VDAC1: variants seen among roughly 807,000 people sequenced by gnomAD.
The protein encoded by VDAC1 is voltage dependent anion channel 1, also known as non-selective voltage-gated ion channel VDAC1.
Under a neutral mutation model 34.7 loss-of-function variants are expected in VDAC1, and 10 were observed. The ratio of observed to expected loss-of-function variants is 0.29; its 90% CI spans 0.18 to 0.49. The LOEUF is 0.49. Ranked by LOEUF, VDAC1 falls within the 20% of genes least tolerant of loss-of-function variation. VDAC1 has a pLI of 0.99. For synonymous variants in VDAC1, 130 were observed against 136.0 expected, an observed-to-expected ratio of 0.96 and a Z score of 0.30; for missense variants, 230 against 347.9, an observed-to-expected ratio of 0.66 and a Z score of 2.69.
At chr5:133,976,133 A>C in intron 6 of VDAC1, 112 bp from the exon 7 acceptor site, 1 of 1,313,922 alleles carries the variant, frequency 7.6e-7, no homozygotes, top group Non-Finnish European at 1.1e-6. Flanking sequence ...GACTGAACCA[A>C]TACTGGTATT....
chr5:133,977,051 A>T (rs1419278540), intron 6 of VDAC1, among the ~76,000 whole-genome samples: 1 of 152,212 alleles, frequency 6.6e-6, no homozygotes, highest in Non-Finnish European at 1.5e-5. Context: ...CTCAAAAAAT[A>T]AAAGTAAAAA....
At chr5:134,043,525 TC>T in the VDAC1 span, among the ~76,000 whole-genome samples, 17,414 of 151,888 alleles carry the variant, frequency 0.11, 1,134 homozygotes, top group East Asian at 0.28. Flanking sequence ...GGTAGACTTT[TC>T]TTTTTTCTTT....
At chr5:134,096,754 T>A in the VDAC1 span, among the ~76,000 whole-genome samples, 1 of 152,060 alleles carries the variant, frequency 6.6e-6, no homozygotes, top group Non-Finnish European at 1.5e-5. Flanking sequence ...CCACCACACC[T>A]GGCTAATTTT....
At chr5:134,007,073 G>C (rs543440599), upstream of VDAC1, among the ~76,000 whole-genome samples, 1 of 151,814 alleles carries the variant, frequency 6.6e-6, no homozygotes, top group African/African-American at 2.4e-5. Flanking sequence ...GAGAAACCCC[G>C]TCTCTACTAA....
At chr5:134,005,398 C>T (rs1753726995), upstream of VDAC1, 1 of 152,252 alleles carries the variant, frequency 6.6e-6, no homozygotes, top group Non-Finnish European at 1.5e-5. Flanking sequence ...ATGTGTCTGG[C>T]GCCTCCGACC....
chr5:133,975,739 G>GT (rs1442216551), intron 7 of VDAC1, 132 bp downstream of exon 7: 4 of 1,402,200 alleles, frequency 2.9e-6, no homozygotes, highest in Admixed American at 4.0e-5. Flanking sequence ...GATTACAGGC[G>GT]TGAGTCACGG....
At chr5:134,090,649 G>A in the VDAC1 span, among the ~76,000 whole-genome samples, 1 of 152,160 alleles carries the variant, frequency 6.6e-6, no homozygotes, top group Non-Finnish European at 1.5e-5. Context: ...TCCGCTCAAG[G>A]TCGCAGCCCT....
chr5:134,055,581 C>T, the VDAC1 span, among the ~76,000 whole-genome samples: 3 of 117,434 alleles, frequency 2.6e-5, no homozygotes, highest in Admixed American at 9.2e-5. Context: ...CACCACGCCC[C>T]GCTAATGTTT....
Position 134,000,384 on chromosome 5 carries a change from T to G in VDAC1, c.-7+4511A>C, listed in dbSNP as rs1250756669. On this transcript the variant is annotated intron_variant, in intron 1 of 8. Coordinates refer to ENST00000265333, the MANE Select transcript of VDAC1 (RefSeq NM_003374.3). ...AGCACAGCTGAGTTCCATGCTGAGC[T>G]CCTGGGCTCAAGAGGTTGCTGACTC... Among the ~76,000 whole-genome samples, 6 of 152,286 alleles carry G rather than the reference T, an allele frequency of 3.9e-5. No homozygotes were observed. The South Asian group carries it at 1.0e-3, about 26-fold the overall frequency.
chr5:134,004,276 G>C (rs2127039640), intron 1 of VDAC1, among the ~76,000 whole-genome samples: 1 of 152,116 alleles, frequency 6.6e-6, no homozygotes, highest in Non-Finnish European at 1.5e-5. Flanking sequence ...ATGCACGCTG[G>C]TGGGATCCAG....
chr5:134,035,899 G>A, the VDAC1 span, among the ~76,000 whole-genome samples: 2 of 151,536 alleles, frequency 1.3e-5, no homozygotes, highest in Admixed American at 6.6e-5. Context: ...CGAGCTACTA[G>A]GGAGGCTGAG....
At chr5:134,050,182 G>C in the VDAC1 span, among the ~76,000 whole-genome samples, 1 of 152,126 alleles carries the variant, frequency 6.6e-6, no homozygotes, top group Non-Finnish European at 1.5e-5. Context: ...CTGGGAGGTG[G>C]AGGTTGCAGT....
chr5:134,094,612 G>T, the VDAC1 span, among the ~76,000 whole-genome samples: 1 of 150,744 alleles, frequency 6.6e-6, no homozygotes, highest in Non-Finnish European at 1.5e-5. Flanking sequence ...TAGGAGAATG[G>T]CGTGAACCCG....
chr5:133,975,870 C>A lies in VDAC1; in HGVS notation c.702+1G>T. 1 of 1,611,862 alleles carries A rather than the reference C, an allele frequency of 6.2e-7. No homozygotes were observed. On this transcript the variant is annotated splice_donor_variant, in intron 7 of 8. Coordinates refer to ENST00000265333, the MANE Select transcript of VDAC1 (RefSeq NM_003374.3). LOFTEE classifies it high-confidence loss of function. ...AGATGCGTGATTCCACAGATACCCACCGAGAAGCAGGCGTCAGGGTCAATC... is the reference window on the plus strand; with the variant it reads ...AGATGCGTGATTCCACAGATACCCAACGAGAAGCAGGCGTCAGGGTCAATC...
At chr5:134,079,333 G>A in the VDAC1 span, among the ~76,000 whole-genome samples, 1 of 152,228 alleles carries the variant, frequency 6.6e-6, no homozygotes, top group African/African-American at 2.4e-5. Context: ...TACGTGGAAT[G>A]GGACCAGGCG....
Position 133,972,140 on chromosome 5 carries a change from G to C in VDAC1, c.*631C>G, listed in dbSNP as rs1027035100. ...TTCCAAGCTTATAGCTGGAGCTCCT[G>C]GAAGCTATTTCATACTCTGGTGCAA... On this transcript the variant is annotated 3_prime_UTR_variant, in exon 9 of 9. Coordinates refer to ENST00000265333, the MANE Select transcript of VDAC1 (RefSeq NM_003374.3). 2.6e-5 allele frequency: 4 copies of C among 153,236 alleles called. No homozygotes were observed. The Admixed American group carries it at 2.6e-4, about 10-fold the overall frequency. The allele number at this position is 153,236 out of a possible 1,614,324, so 9.5% of individuals were successfully genotyped here.
the VDAC1 span, among the ~76,000 whole-genome samples, chr5:134,012,258 T>C: frequency 6.6e-6 from 1 of 152,286 alleles, no homozygotes; most frequent in East Asian, 1.9e-4. Context: ...GAGACTGATT[T>C]CAGACTCCTG....
the VDAC1 span, among the ~76,000 whole-genome samples, chr5:134,057,719 G>C: frequency 6.0e-5 from 9 of 150,514 alleles, no homozygotes; most frequent in Admixed American, 2.7e-4. Flanking sequence ...TGTGTCTTTT[G>C]AATTTTAACA....
the VDAC1 span, among the ~76,000 whole-genome samples, chr5:134,049,100 A>G: frequency 1.8e-4 from 27 of 152,270 alleles, 1 homozygote; most frequent in Middle Eastern, 0.017. Context: ...AGGCTTAGAG[A>G]GAGATTAAGT....
Sources: gnomAD v4.1 joint callset for allele counts (sites outside exome capture counted in the v4.1 genomes callset) on GRCh38, gnomAD v4.1.1 for gene constraint, MANE v1.5 for transcripts, NCBI Gene and HGNC (gene_info 2026-07-23, HGNC 2026-07-21) for gene names.